The following SLC12A2 variants were observed in gnomAD, a reference collection of about 807,000 sequenced individuals.
SLC12A2 encodes solute carrier family 12 member 2.
A neutral mutation model predicts 136.3 loss-of-function variants in SLC12A2; 67 were observed. The ratio of observed to expected loss-of-function variants is 0.49; its 90% CI spans 0.40 to 0.60. The LOEUF (loss-of-function observed/expected upper bound fraction) is 0.60. SLC12A2 is among the 20% of genes least tolerant of loss of function. The probability of loss-of-function intolerance (pLI) is 0.00; values close to 1 mark genes in which losing one functional copy is unlikely to be tolerated. For missense variants in SLC12A2, 1,322 were observed against 1,534.7 expected, an observed-to-expected ratio of 0.86 and a Z score of 2.32; for synonymous variants, 619 against 562.9, an observed-to-expected ratio of 1.10 and a Z score of -1.41.
At position 128,150,040 on chromosome 5, in the gene SLC12A2, T is replaced by G; in HGVS notation, c.2049T>G (p.Leu683=). 1 of 1,611,216 alleles carries G rather than the reference T, an allele frequency of 6.2e-7. No homozygotes were observed. Among genetic ancestry groups the G allele is most frequent in the Non-Finnish European group, 8.5e-7 (1 of 1,178,656 alleles). ...VIAPIISNFF[L]ASYALINFSV... Reference sequence around the variant, plus strand: ...CACCAATTATCTCAAACTTCTTCCTTGCATCATATGCATTGATCAATTTTT... The same window carrying G: ...CACCAATTATCTCAAACTTCTTCCTGGCATCATATGCATTGATCAATTTTT... The change falls in exon 13 of 27, where the codon CTT becomes CTG. Residue 683 remains leucine (L), a synonymous_variant. Transcript: ENST00000262461.
At chr5:128,120,334 T>TCCCATTACTGGGTATA (rs529549538) in intron 4 of SLC12A2, among the ~76,000 whole-genome samples, 2 of 123,180 alleles carry the variant, frequency 1.6e-5, no homozygotes, top group East Asian at 2.8e-4. Context: ...AGAAATACCA[T>TCCCATTACTGGGTATA]TTGACCCAGC....
At chr5:128,162,369 C>T (rs1763069032) in intron 17 of SLC12A2, among the ~76,000 whole-genome samples, 1 of 151,506 alleles carries the variant, frequency 6.6e-6, no homozygotes, top group African/African-American at 2.4e-5. Context: ...AAAGCATGGG[C>T]CAGAATAAAT....
intron 1 of SLC12A2, among the ~76,000 whole-genome samples, chr5:128,087,370 A>G (rs1760140150): frequency 6.6e-6 from 1 of 152,224 alleles, no homozygotes; most frequent in African/African-American, 2.4e-5. Flanking sequence ...TAGTTGGACA[A>G]ATAACATAGT....
chr5:128,098,477 G>T (rs1760622792), intron 1 of SLC12A2, among the ~76,000 whole-genome samples: 2 of 149,316 alleles, frequency 1.3e-5, no homozygotes, highest in Admixed American at 6.6e-5. Flanking sequence ...ATGACTGCTT[G>T]TTTTTTTTGT....
chr5:128,112,754 T>A, intron 1 of SLC12A2, 60 bp from the exon 2 acceptor site: 1 of 1,330,966 alleles, frequency 7.5e-7, no homozygotes, highest in Non-Finnish European at 1.1e-6. Context: ...ATGTTTGTTT[T>A]TATCAAGTGA....
At position 128,182,560 on chromosome 5, in the gene SLC12A2, ATTAAC is replaced by A. The variant is rs1329442740; in HGVS notation, c.3213-290_3213-286del. The stretch of plus-strand genomic sequence containing the variant: ...TACTTATCAATATAGTTTGACTAAA[ATTAAC>A]TTAAGAAACATTAGCTTCCATTTAA... On this transcript the variant is annotated intron_variant, in intron 23 of 26. Coordinates refer to ENST00000262461, the MANE Select transcript of SLC12A2 (RefSeq NM_001046.3). Among the ~76,000 whole-genome samples, 6 of 152,102 alleles carry A rather than the reference ATTAAC, an allele frequency of 3.9e-5. No individual in the cohort carries two copies. The East Asian group carries it at 9.6e-4, about 24-fold the overall frequency.
intron 10 of SLC12A2, among the ~76,000 whole-genome samples, chr5:128,142,529 A>AAT (rs147886710): frequency 1.1e-3 from 168 of 150,002 alleles, no homozygotes; most frequent in East Asian, 2.7e-3. Context: ...AACAGCATGT[A>AAT]ATATATATAT....
chr5:128,158,448 T>C (rs1291849134), intron 16 of SLC12A2, among the ~76,000 whole-genome samples: 1 of 152,130 alleles, frequency 6.6e-6, no homozygotes, highest in Non-Finnish European at 1.5e-5. Flanking sequence ...TGTGAACATG[T>C]GGTATTTTGT....
intron 4 of SLC12A2, among the ~76,000 whole-genome samples, chr5:128,124,278 C>G (rs997379954): frequency 6.6e-6 from 1 of 152,206 alleles, no homozygotes; most frequent in African/African-American, 2.4e-5. Flanking sequence ...TTTCTGGACA[C>G]TAATTGGGTA....
At chr5:128,128,089 A>G (rs1426492347) in intron 4 of SLC12A2, among the ~76,000 whole-genome samples, 5 of 152,158 alleles carry the variant, frequency 3.3e-5, no homozygotes, top group African/African-American at 1.2e-4. Context: ...TGATTTATTT[A>G]AAAGTGTGTT....
chr5:128,118,382 A>G (rs1431227367), intron 4 of SLC12A2, among the ~76,000 whole-genome samples: 1 of 152,214 alleles, frequency 6.6e-6, no homozygotes, highest in African/African-American at 2.4e-5. Context: ...ATGGAATACT[A>G]TTCAGCCATC....
chr5:128,155,859 T>C (rs1298506275), intron 15 of SLC12A2, among the ~76,000 whole-genome samples: 1 of 152,148 alleles, frequency 6.6e-6, no homozygotes, highest in African/African-American at 2.4e-5. Flanking sequence ...AAAGATTATT[T>C]TAATCTTCTG....
At chr5:128,142,655 C>G (rs1327555339) in intron 10 of SLC12A2, among the ~76,000 whole-genome samples, 4 of 151,972 alleles carry the variant, frequency 2.6e-5, no homozygotes, top group African/African-American at 4.8e-5. Context: ...ATTCTTGATT[C>G]TGTTCTGTTG....
rs763748675 is a variant in SLC12A2 at position 128,182,888 on chromosome 5, C to T, written c.3246C>T (p.Asp1082=). ...MATLLSKFRI[D]FSDIMVLGDI... is the part of the protein sequence containing the mutation. ...CTTTGCTTAGCAAGTTCCGGATAGA[C>T]TTTTCTGATATCATGGTTCTAGGAG... is the stretch of plus-strand genomic sequence containing the variant. Residue 1082 remains aspartate, a synonymous_variant, in exon 24 of 27, where the codon GAC becomes GAT. Transcript: ENST00000262461. 2 of 1,611,664 alleles carry T rather than the reference C, an allele frequency of 1.2e-6. No homozygotes were observed. The highest frequency in any genetic ancestry group is 2.2e-5 in the South Asian group (2 of 90,848).
chr5:128,185,069 T>C (rs547791963), intron 26 of SLC12A2, among the ~76,000 whole-genome samples: 157 of 152,272 alleles, frequency 1.0e-3, no homozygotes, highest in African/African-American at 3.6e-3. Flanking sequence ...AGTAATCTTT[T>C]TATCATAGTA....
chr5:128,089,697 T>C lies in SLC12A2; in HGVS notation c.756+4987T>C, dbSNP rs75102338. On this transcript the variant is annotated intron_variant, in intron 1 of 26. Transcript: ENST00000262461. ...TAAGTGTTTATCTTCATACAGAGAA[T>C]AGGCACTTAATAAAGATTTGTTCAT... Among the ~76,000 whole-genome samples, 10 of 152,340 alleles carry C rather than the reference T, an allele frequency of 6.6e-5. No homozygotes were observed. The East Asian group carries it at 1.7e-3, about 26-fold the overall frequency.
chr5:128,162,925 A>G (rs1368644244), intron 17 of SLC12A2, among the ~76,000 whole-genome samples: 3 of 152,130 alleles, frequency 2.0e-5, no homozygotes, highest in Non-Finnish European at 2.9e-5. Context: ...TTTTCTTAAA[A>G]CATTATGAGC....
intron 1 of SLC12A2, among the ~76,000 whole-genome samples, chr5:128,090,151 C>T (rs777942602): frequency 1.6e-4 from 24 of 152,242 alleles, no homozygotes; most frequent in African/African-American, 4.1e-4. Context: ...TTCTACAATG[C>T]GGCAAACAGG....
intron 24 of SLC12A2, among the ~76,000 whole-genome samples, 178 bp from the exon 25 acceptor site, chr5:128,184,188 G>C (rs568417461): frequency 6.6e-6 from 1 of 152,136 alleles, no homozygotes; most frequent in African/African-American, 2.4e-5. Context: ...CAGTTTGAGA[G>C]ACTAGAAATT....
Sources: allele counts gnomAD v4.1 joint callset (sites outside exome capture counted in the v4.1 genomes callset), GRCh38; gene constraint gnomAD v4.1.1; transcripts MANE v1.5; gene names NCBI Gene and HGNC (gene_info 2026-07-23, HGNC 2026-07-21).